SI: variants seen among roughly 807,000 people sequenced by gnomAD.
The protein encoded by SI is sucrase-isomaltase, intestinal.
A neutral mutation model predicts 253.3 loss-of-function variants in SI; 235 were observed. The observed-to-expected ratio is 0.93, with a 90% confidence interval of 0.83 to 1.03. The LOEUF (loss-of-function observed/expected upper bound fraction) is 1.03, where lower values mean the gene tolerates loss of function less well. SI is among the 50% of genes least tolerant of loss of function. The pLI is 0.00. For missense variants in SI, 2,442 were observed against 2,211.1 expected (o/e 1.10, Z -2.09); for synonymous variants, 819 against 712.0 (o/e 1.15, Z -2.39).
chr3:165,074,760 T>G (rs1576927822), intron 2 of SI, 93 bp from the exon 3 acceptor site: 2 of 1,028,410 alleles, frequency 1.9e-6, no homozygotes, highest in East Asian at 2.6e-5. Context: ...AAAGAATACA[T>G]GAATTCATAT....
At chr3:164,980,568 G>A (rs1485849626) in intron 47 of SI, among the ~76,000 whole-genome samples, 1 of 151,864 alleles carries the variant, frequency 6.6e-6, no homozygotes, top group African/African-American at 2.4e-5. Context: ...CATAAATACT[G>A]AGTTTATTTA....
Position 165,073,307 on chromosome 3 carries a change from G to C in SI, c.255+1224C>G, listed in dbSNP as rs952748297. Among the ~76,000 whole-genome samples the C allele has an allele frequency of 2.0e-5, 3 of 151,194 alleles. No homozygotes were observed. In the East Asian group the frequency reaches 5.8e-4, roughly 29 times the overall value. ...GCTGGAATACAGTGACGCGATCTCT[G>C]CCCACTGCAAGCTCTGCCTAAGAAG... On this transcript the variant is annotated intron_variant, in intron 3 of 47. Coordinates refer to ENST00000264382, the MANE Select transcript of SI (RefSeq NM_001041.4).
At chr3:165,017,490 T>C (rs1719093704) in intron 31 of SI, 58 bp downstream of exon 31, 2 of 1,537,890 alleles carry the variant, frequency 1.3e-6, no homozygotes, top group East Asian at 4.6e-5. Context: ...TGTTTAATTA[T>C]TTCATTCTAC....
At chr3:165,052,648 C>T (rs1398732643) in intron 13 of SI, among the ~76,000 whole-genome samples, 1 of 151,678 alleles carries the variant, frequency 6.6e-6, no homozygotes, top group Non-Finnish European at 1.5e-5. Context: ...CAGAGCAAGA[C>T]TTAGTCTCAA....
At chr3:164,987,043 T>C (rs539822102) in intron 45 of SI, 95 bp downstream of exon 45, 11 of 962,334 alleles carry the variant, frequency 1.1e-5, no homozygotes, top group South Asian at 1.0e-4. Flanking sequence ...TTAATAGCTT[T>C]GTACTCAGCT....
At chr3:165,003,917 A>C (rs1718373485) in intron 37 of SI, among the ~76,000 whole-genome samples, 1 of 152,112 alleles carries the variant, frequency 6.6e-6, no homozygotes, top group African/African-American at 2.4e-5. Flanking sequence ...TAGAAAACAA[A>C]TAACAAATGG....
chr3:165,010,450 C>T lies in SI; in HGVS notation c.4063-1055G>A, dbSNP rs190751446. Among the ~76,000 whole-genome samples, 151 of 152,156 alleles carry T rather than the reference C, an allele frequency of 9.9e-4. 2 individuals carry two copies. The East Asian group carries it at 0.026, about 26-fold the overall frequency. ...TGCTGGGATTACAGGCGTGAGCCAC[C>T]GCACCTGGCCTATGATGAATATCTT... On this transcript the variant is annotated intron_variant, in intron 34 of 47. Transcript: ENST00000264382.
In SI at chr3:165,007,956, T is replaced by G. The variant is rs1375047022; in HGVS notation, c.4222A>C (p.Asn1408His). Residue 1408 changes from asparagine to histidine, a missense_variant, in exon 36 of 48, where the codon AAT becomes CAT. By Grantham distance (68) the Asn-to-His change is moderately conservative. Coordinates refer to ENST00000264382, the MANE Select transcript of SI (RefSeq NM_001041.4). Reference sequence around the variant, plus strand: ...TTTAGTTCGTCATTTCTGCATTGATTAGTAGTTGTTCCATTTACAAAACTT... The same window carrying G: ...TTTAGTTCGTCATTTCTGCATTGATGAGTAGTTGTTCCATTTACAAAACTT... Reference protein sequence around the residue: ...PSSFVNGTTTNQCRNDELNYP... With the variant: ...PSSFVNGTTTHQCRNDELNYP... 1.1e-5 allele frequency: 18 copies of G among 1,602,926 alleles called. No homozygotes were observed. Among genetic ancestry groups the G allele is most frequent in the Non-Finnish European group, 1.5e-5 (17 of 1,170,942 alleles).
chr3:165,083,376 T>C (rs1235987405), upstream of SI, among the ~76,000 whole-genome samples: 1 of 151,912 alleles, frequency 6.6e-6, no homozygotes, highest in Non-Finnish European at 1.5e-5. Context: ...CTTTACTTCA[T>C]TCTATGAACC....
chr3:165,042,865 C>A (rs556319188), intron 17 of SI, among the ~76,000 whole-genome samples, 194 bp downstream of exon 17: 1 of 151,932 alleles, frequency 6.6e-6, no homozygotes, highest in African/African-American at 2.4e-5. Context: ...TCATGATTTC[C>A]TTATTTGACC....
intron 36 of SI, 51 bp from the exon 37 acceptor site, chr3:165,007,005 T>C (rs778302004): frequency 3.9e-6 from 5 of 1,275,572 alleles, no homozygotes; most frequent in Non-Finnish European, 5.6e-6. Context: ...TGCCCTACAA[T>C]GAAACGTGTA....
intron 3 of SI, among the ~76,000 whole-genome samples, chr3:165,070,165 T>G (rs1285342761): frequency 9.9e-5 from 10 of 100,786 alleles, no homozygotes; most frequent in Non-Finnish European, 2.1e-4. Flanking sequence ...ATATATAAAA[T>G]ATATTTTGAT....
chr3:165,016,041 G>A lies in SI; in HGVS notation c.3799C>T (p.Leu1267=), dbSNP rs1171889125. 1.2e-6 allele frequency: 2 copies of A among 1,612,452 alleles called. No homozygotes were observed. The highest frequency in any genetic ancestry group is 1.7e-6 in the Non-Finnish European group (2 of 1,178,858). ...YTDIDYMERQ[L]DFTIGEAFQD... ...AATGCTTCACCAATTGTAAAGTCTA[G>A]CTGCCTTTCCATGTAGTCAATGTCT... The change falls in exon 32 of 48, where the codon CTA becomes TTA. Residue 1267 remains leucine (L), a synonymous_variant. Transcript: ENST00000264382.
chr3:165,052,944 T>C (rs1285340207), intron 13 of SI, among the ~76,000 whole-genome samples: 1 of 151,334 alleles, frequency 6.6e-6, no homozygotes, highest in Non-Finnish European at 1.5e-5. Context: ...ATACTATATA[T>C]TAAATTATTC....
At chr3:165,048,741 C>T (rs904720041) in intron 15 of SI, among the ~76,000 whole-genome samples, 2 of 151,760 alleles carry the variant, frequency 1.3e-5, no homozygotes, top group Non-Finnish European at 2.9e-5. Flanking sequence ...CCTCAGCCTC[C>T]GAAGTAACTG....
intron 15 of SI, among the ~76,000 whole-genome samples, chr3:165,048,537 T>A (rs550585535): frequency 7.0e-6 from 1 of 143,750 alleles, no homozygotes; most frequent in Non-Finnish European, 1.5e-5. Context: ...AAAAAGAGTC[T>A]TAGTTAAATA....
At chr3:165,067,710 A>G (rs1326148632) in intron 5 of SI, among the ~76,000 whole-genome samples, 1 of 152,056 alleles carries the variant, frequency 6.6e-6, no homozygotes, top group East Asian at 1.9e-4. Flanking sequence ...TTGGTTATGA[A>G]GTATTATGTA....
intron 15 of SI, among the ~76,000 whole-genome samples, 164 bp downstream of exon 15, chr3:165,048,963 T>C (rs1713280855): frequency 6.6e-6 from 1 of 152,094 alleles, no homozygotes; most frequent in African/African-American, 2.4e-5. Flanking sequence ...TGAATATTAG[T>C]AAGAGAACTG....
At chr3:165,051,934 T>A (rs1329756311) in intron 13 of SI, among the ~76,000 whole-genome samples, 1 of 152,028 alleles carries the variant, frequency 6.6e-6, no homozygotes, top group East Asian at 1.9e-4. Context: ...CAGAATGTGA[T>A]TATTTTGCCA....
Sources: gnomAD v4.1 joint callset for allele counts (sites outside exome capture counted in the v4.1 genomes callset) on GRCh38, gnomAD v4.1.1 for gene constraint, MANE v1.5 for transcripts, NCBI Gene and HGNC (gene_info 2026-07-23, HGNC 2026-07-21) for gene names.